AP4S1: variants seen among roughly 807,000 people sequenced by gnomAD.
The protein encoded by AP4S1 is adaptor related protein complex 4 subunit sigma 1.
AP4S1 carries 23 observed loss-of-function variants against 19.8 expected under a neutral mutation model. The observed-to-expected ratio is 1.16, with a 90% CI of 0.84 to 1.65. The LOEUF is 1.65. AP4S1 is among the 40% of genes most tolerant of loss of function. The pLI is 0.00. For synonymous variants in AP4S1, 46 were observed against 54.1 expected (o/e 0.85, Z 0.66); for missense variants, 166 against 172.8 (o/e 0.96, Z 0.22).
chr14:31,073,059 T>A, intron 4 of AP4S1, 86 bp downstream of exon 4: 2 of 1,119,750 alleles, frequency 1.8e-6, no homozygotes, highest in Non-Finnish European at 2.7e-6. Flanking sequence ...CAAGAACATG[T>A]GTTAATACAG....
chr14:31,065,791 G>A (rs895277851), intron 1 of AP4S1, among the ~76,000 whole-genome samples: 1 of 152,126 alleles, frequency 6.6e-6, no homozygotes, highest in Admixed American at 6.6e-5. Flanking sequence ...CTTTCAAGTA[G>A]TTGGAACTAC....
At chr14:31,070,780 C>T (rs541200902) in intron 3 of AP4S1, among the ~76,000 whole-genome samples, 4 of 152,282 alleles carry the variant, frequency 2.6e-5, no homozygotes, top group East Asian at 3.9e-4. Context: ...AGGCCGGGCG[C>T]GGTGGCCCAT....
At chr14:31,066,790 G>A (rs72670334) in intron 2 of AP4S1, among the ~76,000 whole-genome samples, 16,746 of 152,100 alleles carry the variant, frequency 0.11, 1,080 homozygotes, top group South Asian at 0.25. Context: ...TTCTCAAATC[G>A]GGTGGTTTTA....
At chr14:31,053,952 A>G (rs891730051) in intron 1 of AP4S1, among the ~76,000 whole-genome samples, 5 of 152,188 alleles carry the variant, frequency 3.3e-5, no homozygotes, top group Non-Finnish European at 5.9e-5. Flanking sequence ...CATTGGATAT[A>G]TCTTTGGGAA....
intron 1 of AP4S1, among the ~76,000 whole-genome samples, chr14:31,061,585 T>C (rs1387236130): frequency 6.6e-6 from 1 of 152,184 alleles, no homozygotes; most frequent in Non-Finnish European, 1.5e-5. Flanking sequence ...ATTGGGAAAC[T>C]GGTCCCTGCT....
chr14:31,027,863 A>G (rs1161768346), intron 1 of AP4S1, among the ~76,000 whole-genome samples: 2 of 152,238 alleles, frequency 1.3e-5, no homozygotes, highest in Non-Finnish European at 2.9e-5. Flanking sequence ...TAAGGAAATT[A>G]GGTTCAGTAA....
chr14:31,084,854 G>C, intron 5 of AP4S1: 1 of 1,614,072 alleles, frequency 6.2e-7, no homozygotes, highest in Non-Finnish European at 8.5e-7. Flanking sequence ...TCATTCAAAG[G>C]AGCTGCCTCC....
intron 1 of AP4S1, among the ~76,000 whole-genome samples, chr14:31,065,921 A>G (rs1194620252): frequency 6.6e-6 from 1 of 152,180 alleles, no homozygotes; most frequent in African/African-American, 2.4e-5. Flanking sequence ...CGGCCTCCCA[A>G]AGTGCTGGAA....
intron 1 of AP4S1, among the ~76,000 whole-genome samples, chr14:31,037,151 C>G (rs1304431863): frequency 1.3e-5 from 2 of 151,942 alleles, no homozygotes; most frequent in Non-Finnish European, 2.9e-5. Context: ...CCAGGACATG[C>G]CTTGCCTTAC....
intron 1 of AP4S1, among the ~76,000 whole-genome samples, chr14:31,029,616 G>A (rs970941817): frequency 1.9e-4 from 29 of 151,994 alleles, no homozygotes; most frequent in African/African-American, 6.0e-4. Context: ...CTAGGAATTC[G>A]AGACCAACCT....
chr14:31,035,775 G>C (rs2139427408), intron 1 of AP4S1, among the ~76,000 whole-genome samples: 1 of 151,000 alleles, frequency 6.6e-6, no homozygotes, highest in South Asian at 2.1e-4. Context: ...TGTCACCCAG[G>C]CTGGAGTGCA....
At chr14:31,055,065 A>G (rs1886030552) in intron 1 of AP4S1, among the ~76,000 whole-genome samples, 1 of 150,580 alleles carries the variant, frequency 6.6e-6, no homozygotes, top group Non-Finnish European at 1.5e-5. Context: ...ACTCTTCAAA[A>G]CTGTCAAGGT....
intron 1 of AP4S1, among the ~76,000 whole-genome samples, chr14:31,055,773 A>T (rs1442625828): frequency 1.3e-5 from 2 of 152,122 alleles, no homozygotes; most frequent in Non-Finnish European, 2.9e-5. Flanking sequence ...GTACATAAAA[A>T]GCATTTAGAG....
chr14:31,044,893 T>C (rs889197039), intron 1 of AP4S1, among the ~76,000 whole-genome samples: 1 of 151,878 alleles, frequency 6.6e-6, no homozygotes, highest in Non-Finnish European at 1.5e-5. Context: ...TTTTAAAAGA[T>C]ACGTTTTCTA....
chr14:31,052,279 A>C (rs1885839684), intron 1 of AP4S1, among the ~76,000 whole-genome samples: 1 of 152,122 alleles, frequency 6.6e-6, no homozygotes, highest in African/African-American at 2.4e-5. Flanking sequence ...CGGGGAAAAA[A>C]AAGACATGAA....
At chr14:31,057,972 C>G (rs991607014) in intron 1 of AP4S1, among the ~76,000 whole-genome samples, 3 of 151,724 alleles carry the variant, frequency 2.0e-5, no homozygotes, top group African/African-American at 7.3e-5. Context: ...ATCTGTCACC[C>G]AGGCTGGAGT....
chr14:31,030,117 A>G (rs1426562191), intron 1 of AP4S1, among the ~76,000 whole-genome samples: 1 of 151,972 alleles, frequency 6.6e-6, no homozygotes, highest in Non-Finnish European at 1.5e-5. Context: ...AGTAGCTGGG[A>G]TGGGACCACA....
At chr14:31,052,054 T>C (rs1885827032) in intron 1 of AP4S1, among the ~76,000 whole-genome samples, 1 of 152,180 alleles carries the variant, frequency 6.6e-6, no homozygotes, top group Non-Finnish European at 1.5e-5. Flanking sequence ...GAGGATTACT[T>C]GAGCCCAGGA....
intron 4 of AP4S1, among the ~76,000 whole-genome samples, chr14:31,074,170 C>A (rs916025105): frequency 1.3e-5 from 2 of 149,224 alleles, no homozygotes; most frequent in Non-Finnish European, 3.0e-5. Context: ...ACTAAAAATA[C>A]AAAAAATTAG....
Sources: allele counts gnomAD v4.1 joint callset (sites outside exome capture counted in the v4.1 genomes callset), GRCh38; gene constraint gnomAD v4.1.1; transcripts MANE v1.5; gene names NCBI Gene and HGNC (gene_info 2026-07-23, HGNC 2026-07-21).